RBM20: variants seen among roughly 807,000 people sequenced by gnomAD.
The protein encoded by RBM20 is RNA-binding protein 20.
A neutral mutation model predicts 110.1 loss-of-function variants in RBM20; 51 were observed. The ratio of observed to expected loss-of-function variants is 0.46; its 90% CI spans 0.37 to 0.59. The LOEUF (loss-of-function observed/expected upper bound fraction) is 0.59. Ranked by LOEUF, RBM20 falls within the 20% of genes least tolerant of loss-of-function variation. The probability of loss-of-function intolerance (pLI) is 0.00; values close to 1 mark genes in which losing one functional copy is unlikely to be tolerated. For missense variants in RBM20, 1,512 were observed against 1,574.9 expected (o/e 0.96, Z 0.68); for synonymous variants, 589 against 618.2 (o/e 0.95, Z 0.70).
chr10:110,777,308 A>AG (rs1456279832), intron 1 of RBM20, among the ~76,000 whole-genome samples: 1 of 152,242 alleles, frequency 6.6e-6, no homozygotes, highest in African/African-American at 2.4e-5. Flanking sequence ...TCCAGCTTCC[A>AG]GGGGTGTCAG....
chr10:110,674,441 T>C (rs1338689161), intron 1 of RBM20, among the ~76,000 whole-genome samples: 1 of 152,220 alleles, frequency 6.6e-6, no homozygotes, highest in Admixed American at 6.5e-5. Flanking sequence ...CTGAGCATCC[T>C]CTGAGAATCA....
intron 1 of RBM20, among the ~76,000 whole-genome samples, chr10:110,651,254 G>A (rs1377508738): frequency 3.9e-5 from 6 of 152,124 alleles, no homozygotes; most frequent in African/African-American, 1.4e-4. Flanking sequence ...CATGGACACA[G>A]GTACATATTT....
At chr10:110,791,835 G>T (rs983313800) in intron 5 of RBM20, among the ~76,000 whole-genome samples, 1 of 152,172 alleles carries the variant, frequency 6.6e-6, no homozygotes. Context: ...TCAGGCTTTA[G>T]TCACACCCCT....
At chr10:110,727,549 T>C (rs571803928) in intron 1 of RBM20, among the ~76,000 whole-genome samples, 1 of 152,340 alleles carries the variant, frequency 6.6e-6, no homozygotes, top group Non-Finnish European at 1.5e-5. Context: ...TGTTTACTCA[T>C]ATGCAATGTT....
In RBM20 at chr10:110,781,447, A is replaced by G. The variant is rs1414387984; in HGVS notation, c.838A>G (p.Lys280Glu). ...GCAGGATGGTCAAGCTGCCTTTTCC[A>G]AAGATTTTTACGGACCCAACTCCCA... ...TGQDGQAAFS[K>E]DFYGPNSQGS... is the part of the protein sequence containing the mutation. Residue 280 changes from lysine to glutamate, a missense_variant, in exon 2 of 14, where the codon AAA becomes GAA. This residue lies in a region of RBM20 where 1,149 missense variants were observed against 1,169.4 expected (regional missense o/e 0.98). Coordinates refer to ENST00000369519, the MANE Select transcript of RBM20 (RefSeq NM_001134363.3). The G allele has an allele frequency of 8.4e-6, 13 of 1,551,590 alleles. No individual in the cohort carries two copies. The highest frequency in any genetic ancestry group is 2.4e-5 in the South Asian group (2 of 84,062).
intron 1 of RBM20, among the ~76,000 whole-genome samples, chr10:110,699,828 C>T (rs1040240263): frequency 1.3e-5 from 2 of 152,000 alleles, no homozygotes; most frequent in East Asian, 1.9e-4. Flanking sequence ...TACTCTTGTG[C>T]GTTGGGGCCA....
At chr10:110,672,526 G>A (rs984939486) in intron 1 of RBM20, among the ~76,000 whole-genome samples, 1 of 152,224 alleles carries the variant, frequency 6.6e-6, no homozygotes, top group Non-Finnish European at 1.5e-5. Context: ...CAAAGCCCCC[G>A]GGGCGGTGCG....
At chr10:110,832,956 A>C (rs1666457590) in intron 13 of RBM20, among the ~76,000 whole-genome samples, 1 of 152,232 alleles carries the variant, frequency 6.6e-6, no homozygotes, top group African/African-American at 2.4e-5. Flanking sequence ...GAGGGAAGTC[A>C]TCTAGCTTGA....
intron 1 of RBM20, chr10:110,756,435 T>C (rs1316371052): frequency 2.0e-5 from 3 of 152,182 alleles, no homozygotes. Flanking sequence ...GAAGCTGAGA[T>C]TTAGAGGAGC....
intron 6 of RBM20, among the ~76,000 whole-genome samples, chr10:110,798,669 C>T (rs1159712793): frequency 6.6e-6 from 1 of 152,158 alleles, no homozygotes; most frequent in African/African-American, 2.4e-5. Flanking sequence ...TAGACTATGA[C>T]AGCATGGAGA....
chr10:110,749,355 T>C (rs934118751), intron 1 of RBM20, among the ~76,000 whole-genome samples: 14 of 152,020 alleles, frequency 9.2e-5, no homozygotes, highest in African/African-American at 3.4e-4. Flanking sequence ...CAGTAACCTA[T>C]AGGAAATGTT....
At chr10:110,658,092 G>A (rs141515392) in intron 1 of RBM20, among the ~76,000 whole-genome samples, 1 of 152,236 alleles carries the variant, frequency 6.6e-6, no homozygotes, top group East Asian at 1.9e-4. Context: ...GACCATGGAA[G>A]TCGGGACACA....
At chr10:110,755,748 A>G (rs1170737658) in intron 1 of RBM20, among the ~76,000 whole-genome samples, 1 of 152,220 alleles carries the variant, frequency 6.6e-6, no homozygotes, top group East Asian at 1.9e-4. Context: ...ACACTGGGGA[A>G]TGGAAAAGCC....
chr10:110,826,419 C>A (rs927555734), intron 12 of RBM20, among the ~76,000 whole-genome samples: 1 of 152,126 alleles, frequency 6.6e-6, no homozygotes, highest in Non-Finnish European at 1.5e-5. Flanking sequence ...CAGTGCAACC[C>A]CCAGGTAAAG....
intron 7 of RBM20, among the ~76,000 whole-genome samples, chr10:110,800,777 A>G (rs1048547852): frequency 6.6e-6 from 1 of 152,202 alleles, no homozygotes; most frequent in African/African-American, 2.4e-5. Flanking sequence ...TGAACTTTAT[A>G]TAAATGGAAT....
intron 9 of RBM20, 56 bp from the exon 10 acceptor site, chr10:110,820,016 T>C: frequency 8.8e-7 from 1 of 1,132,010 alleles, no homozygotes; most frequent in Middle Eastern, 2.0e-4. Context: ...TCTTTTTTTC[T>C]TCTCCCTGTC....
intron 12 of RBM20, 71 bp downstream of exon 12, chr10:110,823,685 C>T (rs925465411): frequency 1.3e-5 from 19 of 1,479,360 alleles, no homozygotes; most frequent in Non-Finnish European, 1.6e-5. Flanking sequence ...ACCTCAAGAG[C>T]TTGAGAGAGC....
intron 7 of RBM20, among the ~76,000 whole-genome samples, chr10:110,804,564 A>G (rs1462838281): frequency 6.6e-6 from 1 of 152,222 alleles, no homozygotes; most frequent in African/African-American, 2.4e-5. Context: ...TTATCTCCCC[A>G]TATACTTCCT....
intron 1 of RBM20, among the ~76,000 whole-genome samples, chr10:110,764,857 C>T (rs1457735400): frequency 6.6e-6 from 1 of 152,142 alleles, no homozygotes; most frequent in Non-Finnish European, 1.5e-5. Context: ...CTACCTTTCC[C>T]CAGCACAAGG....
Sources: allele counts gnomAD v4.1 joint callset (sites outside exome capture counted in the v4.1 genomes callset), GRCh38; gene constraint gnomAD v4.1.1; regional missense constraint gnomAD v4.1.1; transcripts MANE v1.5; gene names NCBI Gene and HGNC (gene_info 2026-07-23, HGNC 2026-07-21).